Variants in SZT2 observed in about 807,000 individuals in gnomAD.
SZT2 encodes the protein SZT2 subunit of KICSTOR complex, also known as KICSTOR complex protein SZT2.
Under a neutral mutation model 404.2 loss-of-function variants are expected in SZT2, and 216 were observed. That is an observed-to-expected ratio of 0.53 (90% CI 0.48 to 0.60). SZT2 has a LOEUF of 0.60. Ranked by LOEUF, SZT2 falls within the 20% of genes least tolerant of loss-of-function variation. The probability of loss-of-function intolerance (pLI) is 0.00; values close to 1 mark genes in which losing one functional copy is unlikely to be tolerated. For synonymous variants in SZT2, 1,693 were observed against 1,749.9 expected (o/e 0.97, Z 0.81); for missense variants, 3,857 against 4,459.2 (o/e 0.86, Z 3.85).
In SZT2 at chr1:43,450,689, C is replaced by G. The variant is rs1205922432; in HGVS notation, c.*209C>G. ...TCCCCAAACACCCACAGCCACTGAC[C>G]CATCCAGGACTCCAGAGAGTCAGGT... On this transcript the variant is annotated 3_prime_UTR_variant, in exon 72 of 72. Coordinates refer to ENST00000634258, the MANE Select transcript of SZT2 (RefSeq NM_001365999.1). The surrounding 1 kb of genome is among the most constrained non-coding windows in gnomAD (Gnocchi z 4.3). 5.3e-6 allele frequency: 4 copies of G among 756,322 alleles called. No homozygotes were observed. Among genetic ancestry groups the G allele is most frequent in the Non-Finnish European group, 8.8e-6 (4 of 456,530 alleles). The allele number at this position is 756,322 out of a possible 1,614,324, so 46.9% of individuals were successfully genotyped here. A position where few individuals can be genotyped will look rare whatever the true frequency, so the allele number is the denominator to read the frequency against.
At chr1:43,422,912 A>G in intron 14 of SZT2, 29 bp downstream of exon 14, 1 of 1,550,984 alleles carries the variant, frequency 6.4e-7, no homozygotes, top group Non-Finnish European at 8.7e-7. Flanking sequence ...GACTCTGACC[A>G]AGGAGCCCTA....
At chr1:43,394,357 A>C (rs1031404143) in intron 1 of SZT2, among the ~76,000 whole-genome samples, 1 of 151,586 alleles carries the variant, frequency 6.6e-6, no homozygotes, top group Admixed American at 6.6e-5. Context: ...TACAGGTGTG[A>C]GCCACAGCAC....
At position 43,452,065 on chromosome 1, in the gene SZT2, C is replaced by A; in HGVS notation, c.*1585C>A. ...AGAGCTCCTTCCCAAGTTTGTCCCC[C>A]ATCAGTCAGTCACTGGTCAAGGCCC... On this transcript the variant is annotated 3_prime_UTR_variant, in exon 72 of 72. Coordinates refer to ENST00000634258, the MANE Select transcript of SZT2 (RefSeq NM_001365999.1). 6.4e-7 allele frequency: 1 copy of A among 1,565,522 alleles called. No individual in the cohort carries two copies. Among genetic ancestry groups the A allele is most frequent in the South Asian group, 1.2e-5 (1 of 85,688 alleles).
chr1:43,406,984 C>T (rs1374042882), intron 4 of SZT2: 3 of 152,172 alleles, frequency 2.0e-5, no homozygotes, highest in Non-Finnish European at 4.4e-5. Context: ...GTAACAGGAT[C>T]ACATGTCTAC....
intron 62 of SZT2, 169 bp from the exon 63 acceptor site, chr1:43,445,725 C>T: frequency 2.9e-6 from 2 of 682,482 alleles, no homozygotes; most frequent in South Asian, 1.7e-5. Context: ...CCCAGCCTTG[C>T]AGTCTAGACC....
In SZT2 at chr1:43,404,436, C is replaced by T. The variant is rs767516322; in HGVS notation, c.384C>T (p.Cys128=). ...AAGTTTTCCATGCCCTGTCCCGCTG[C>T]TTAGGCGGGCTGCTTCGGCCCTTCC... ...FDEVFHALSR[C]LGGLLRPFRV... is the part of the protein sequence containing the mutation. The change falls in exon 4 of 72, where the codon TGC becomes TGT. Residue 128 remains cysteine (C), a synonymous_variant. Coordinates refer to ENST00000634258, the MANE Select transcript of SZT2 (RefSeq NM_001365999.1). The T allele has an allele frequency of 3.1e-6, 5 of 1,614,074 alleles. No homozygotes were observed. The highest frequency in any genetic ancestry group is 4.2e-6 in the Non-Finnish European group (5 of 1,180,006).
At position 43,437,983 on chromosome 1, in the gene SZT2, A is replaced by C. The variant is rs1354364598; in HGVS notation, c.6508+81A>C. 7.2e-7 allele frequency: 1 copy of C among 1,379,892 alleles called. No homozygotes were observed. The highest frequency in any genetic ancestry group is 1.7e-5 in the Admixed American group (1 of 58,596). The allele number at this position is 1,379,892 out of a possible 1,614,324, so 85.5% of individuals were successfully genotyped here. On this transcript the variant is annotated intron_variant, in intron 46 of 71. Transcript: ENST00000634258. This position sits in a 1 kb window ranked among gnomAD's most constrained non-coding sequence, Gnocchi z 5.3. Reference sequence around the variant, plus strand: ...GGACTTCTCTTAGAACCTTGCAAGCATTACACTAGAAGTTATGTAACAGTC... The same window carrying C: ...GGACTTCTCTTAGAACCTTGCAAGCCTTACACTAGAAGTTATGTAACAGTC...
rs1656181309 is a variant in SZT2, at chr1:43,449,931, G to A, written c.10087-172G>A. 30 of 725,984 alleles carry A rather than the reference G, an allele frequency of 4.1e-5. No homozygotes were observed. The South Asian group carries it at 4.7e-4, about 11-fold the overall frequency. 45.0% of individuals were successfully genotyped at this position (725,984 alleles called of 1,614,324 possible). On this transcript the variant is annotated intron_variant, in intron 70 of 71. Coordinates refer to ENST00000634258, the MANE Select transcript of SZT2 (RefSeq NM_001365999.1). ...CTCAGACAGGCTGACCAGCAAGCCA[G>A]CGAGGATGAGGACTGAGGCTCAATT... is the stretch of plus-strand genomic sequence containing the variant.
chr1:43,421,887 C>T (rs1420745777), intron 11 of SZT2, among the ~76,000 whole-genome samples, 196 bp from the exon 12 acceptor site: 1 of 152,190 alleles, frequency 6.6e-6, no homozygotes, highest in Non-Finnish European at 1.5e-5. Flanking sequence ...CACAGTCTGT[C>T]CCTGGGCTCA....
chr1:43,421,270 A>G lies in SZT2; in HGVS notation c.1593A>G (p.Pro531=), dbSNP rs774840277. The G allele has an allele frequency of 2.5e-6, 4 of 1,598,228 alleles. No homozygotes were observed. The East Asian group carries it at 8.9e-5, about 36-fold the overall frequency. The part of the protein sequence containing the change: ...TLPDSTKSGV[P]LFYIPPGSTT... ...CTGACAGCACCAAGAGCGGAGTGCC[A>G]CTCTTCTACATCCCTCCAGGCTCCA... Residue 531 remains proline (P), a synonymous_variant, in exon 11 of 72, where the codon CCA becomes CCG. Transcript: ENST00000634258.
At chr1:43,415,345 C>A in intron 5 of SZT2, 132 bp downstream of exon 5, 1 of 1,095,390 alleles carries the variant, frequency 9.1e-7, no homozygotes, top group Non-Finnish European at 1.3e-6. Context: ...CAAGGATAGG[C>A]ATGCTCATGA....
intron 62 of SZT2, among the ~76,000 whole-genome samples, chr1:43,444,371 A>G (rs1325684198): frequency 6.6e-6 from 1 of 152,134 alleles, no homozygotes; most frequent in East Asian, 1.9e-4. Context: ...TGCTAGGATT[A>G]TAGGTGTGAG....
chr1:43,426,492 G>A lies in SZT2; in HGVS notation c.3168G>A (p.Gln1056=). Residue 1056 remains glutamine, a synonymous_variant, in exon 22 of 72, where the codon CAG becomes CAA. Coordinates refer to ENST00000634258, the MANE Select transcript of SZT2 (RefSeq NM_001365999.1). This position sits in a 1 kb window ranked among gnomAD's most constrained non-coding sequence, Gnocchi z 4.9. The part of the protein sequence containing the change: ...DREIPLTPVD[Q]AAFLSEVLRR... ...AGATCCCACTGACCCCCGTTGACCA[G>A]GCTGCCTTCTTGAGTGAGGTGCTGC... The A allele has an allele frequency of 6.3e-7, 1 of 1,596,252 alleles. No homozygotes were observed. Among genetic ancestry groups the A allele is most frequent in the Non-Finnish European group, 8.5e-7 (1 of 1,178,932 alleles).
In SZT2 at chr1:43,430,706, C is replaced by T. The variant is rs1329340929; in HGVS notation, c.4691C>T (p.Pro1564Leu). The change falls in exon 32 of 72, where the codon CCG becomes CTG. Residue 1564 changes from proline to leucine, a missense_variant. Coordinates refer to ENST00000634258, the MANE Select transcript of SZT2 (RefSeq NM_001365999.1). Reference protein sequence around the residue: ...GPESFLHDLPPLFLHLTCSVR... With the variant: ...GPESFLHDLPLLFLHLTCSVR... ...GAGAGCTTCCTTCATGACCTGCCAC[C>T]GCTCTTCCTGCACCTCACGTGCTCC... The T allele has an allele frequency of 1.9e-5, 30 of 1,613,732 alleles. No individual in the cohort carries two copies. Among genetic ancestry groups the T allele is most frequent in the Non-Finnish European group, 2.5e-5 (29 of 1,180,048 alleles).
chr1:43,439,021 C>T lies in SZT2; in HGVS notation c.6720C>T (p.Tyr2240=), dbSNP rs1654765155. The change falls in exon 48 of 72, where the codon TAC becomes TAT. Residue 2240 remains tyrosine, a synonymous_variant. Coordinates refer to ENST00000634258, the MANE Select transcript of SZT2 (RefSeq NM_001365999.1). The surrounding 1 kb of genome is among the most constrained non-coding windows in gnomAD (Gnocchi z 4.2). ...CCTGGCTTCCAGCCCTGGCATGGTACCTACGGCAGAACTTGCTCATCTTCC... is the reference window on the plus strand; with the variant it reads ...CCTGGCTTCCAGCCCTGGCATGGTATCTACGGCAGAACTTGCTCATCTTCC... ...CRPWLPALAW[Y]LRQNLLIFLH... 2 of 1,614,120 alleles carry T rather than the reference C, an allele frequency of 1.2e-6. No homozygotes were observed. The highest frequency in any genetic ancestry group is 1.7e-6 in the Non-Finnish European group (2 of 1,180,044).
chr1:43,398,995 G>A (rs1345171579), intron 1 of SZT2, among the ~76,000 whole-genome samples: 1 of 151,992 alleles, frequency 6.6e-6, no homozygotes, highest in Admixed American at 6.5e-5. Flanking sequence ...TGGGAGAATC[G>A]CTTGAACTGA....
chr1:43,425,748 G>A lies in SZT2; in HGVS notation c.2815-87G>A, dbSNP rs1281036430. The A allele has an allele frequency of 1.3e-6, 2 of 1,594,190 alleles. No homozygotes were observed. The highest frequency in any genetic ancestry group is 2.7e-5 in the African/African-American group (2 of 74,500). ...CTTCCTGGTCCCTCTGAATGGCTGG[G>A]ACTGTTGAAGCTTCCTGAAGAGCTG... is the stretch of plus-strand genomic sequence containing the variant. On this transcript the variant is annotated intron_variant, in intron 19 of 71. Coordinates refer to ENST00000634258, the MANE Select transcript of SZT2 (RefSeq NM_001365999.1). This position sits in a 1 kb window ranked among gnomAD's most constrained non-coding sequence, Gnocchi z 4.3.
At chr1:43,444,052 C>G (rs1570725897) in intron 62 of SZT2, among the ~76,000 whole-genome samples, 2 of 152,232 alleles carry the variant, frequency 1.3e-5, no homozygotes, top group East Asian at 3.9e-4. Flanking sequence ...TCACAAAGCT[C>G]ATGCCCACAC....
chr1:43,430,973 G>A lies in SZT2; in HGVS notation c.4799G>A (p.Gly1600Asp), dbSNP rs751314732. ...GGCCAGGTGCTTTCCAGTCTGGAGG[G>A]CCCCCCAGTTGGAGGCCGAGTTCCC... ...CLGQVLSSLE[G>D]PPVGGRVPLR... The change falls in exon 33 of 72, where the codon GGC (glycine) becomes GAC (aspartate). Residue 1600 changes from glycine (G) to aspartate (D), a missense_variant. By Grantham distance (94) the Gly-to-Asp change is moderately conservative. Transcript: ENST00000634258. The A allele has an allele frequency of 1.9e-6, 3 of 1,613,918 alleles. No individual in the cohort carries two copies. Among genetic ancestry groups the A allele is most frequent in the East Asian group, 2.2e-5 (1 of 44,880 alleles).
Sources: allele counts gnomAD v4.1 joint callset (sites outside exome capture counted in the v4.1 genomes callset), GRCh38; gene constraint gnomAD v4.1.1; non-coding constraint Gnocchi (gnomAD v3.1); transcripts MANE v1.5; gene names NCBI Gene and HGNC (gene_info 2026-07-23, HGNC 2026-07-21).